The following ZNF577 variants were observed in gnomAD, a reference collection of about 807,000 sequenced individuals.
The protein encoded by ZNF577 is zinc finger protein 577.
A neutral mutation model predicts 13.9 loss-of-function variants in ZNF577; 14 were observed. The observed-to-expected ratio is 1.00, with a 90% CI of 0.66 to 1.57. The LOEUF (loss-of-function observed/expected upper bound fraction) is 1.57, where lower values mean the gene tolerates loss of function less well. Among genes scored for constraint, ZNF577 ranks in the 40% most tolerant of loss-of-function variants. ZNF577 has a pLI of 0.00. For synonymous variants in ZNF577, 203 were observed against 202.9 expected (o/e 1.00, Z 0.00); for missense variants, 555 against 579.2 (o/e 0.96, Z 0.43).
intron 10 of ZNF577, among the ~76,000 whole-genome samples, chr19:51,810,664 T>C (rs140192003): frequency 6.6e-6 from 1 of 152,210 alleles, no homozygotes; most frequent in Non-Finnish European, 1.5e-5. Context: ...ATGTCAGATA[T>C]GCACTAGTGG....
intron 9 of ZNF577, among the ~76,000 whole-genome samples, chr19:51,837,333 C>T (rs189420457): frequency 4.5e-4 from 68 of 152,236 alleles, no homozygotes; most frequent in Middle Eastern, 3.4e-3. Flanking sequence ...TACAGCTGAG[C>T]GCTGATTGGC....
chr19:51,839,508 G>A (rs1232713935), intron 9 of ZNF577, among the ~76,000 whole-genome samples: 1 of 152,076 alleles, frequency 6.6e-6, no homozygotes, highest in Admixed American at 6.6e-5. Flanking sequence ...TGGGTACACA[G>A]GTGACCACCA....
At chr19:51,866,725 T>A (rs187851601), downstream of ZNF577, among the ~76,000 whole-genome samples, 27 of 152,370 alleles carry the variant, frequency 1.8e-4, no homozygotes, top group East Asian at 3.3e-3. Context: ...CTCATGCCTA[T>A]AATTCCAGCA....
In ZNF577 at chr19:51,872,832, C is replaced by T. The variant is rs776668348; in HGVS notation, c.1158G>A (p.Thr386=). The T allele has an allele frequency of 5.6e-6, 9 of 1,614,148 alleles. No homozygotes were observed. The highest frequency in any genetic ancestry group is 2.2e-5 in the South Asian group (2 of 91,076). The change falls in exon 6 of 6, where the codon ACG becomes ACA. Residue 386 remains threonine (T), a synonymous_variant. Coordinates refer to ENST00000638348, the MANE Select transcript of ZNF577 (RefSeq NM_001370449.1). ...GACTCCTTGAGGAAGGTTTCTCCAC[C>T]GTCAGTGAATTTATGGCTGTCTCTC... is the stretch of plus-strand genomic sequence containing the variant. ...HIRETAINSL[T]VEKPSSRSHT...
chr19:51,807,708 C>A (rs895276447), intron 10 of ZNF577, among the ~76,000 whole-genome samples: 2 of 152,228 alleles, frequency 1.3e-5, no homozygotes, highest in African/African-American at 4.8e-5. Flanking sequence ...TTTTATAAAA[C>A]TGTAAAATTT....
intron 3 of ZNF577, among the ~76,000 whole-genome samples, 167 bp downstream of exon 3, chr19:51,880,156 G>C (rs532572621): frequency 6.6e-6 from 1 of 152,262 alleles, no homozygotes; most frequent in Admixed American, 6.5e-5. Flanking sequence ...GTCCAATCCA[G>C]TTTTCCTTTG....
downstream of ZNF577, among the ~76,000 whole-genome samples, chr19:51,864,269 T>G (rs1414760479): frequency 4.6e-5 from 7 of 152,192 alleles, no homozygotes; most frequent in Admixed American, 3.9e-4. Context: ...CTTTAATTAC[T>G]TTCCGCAACA....
chr19:51,805,566 C>G (rs2084052921), intron 10 of ZNF577, among the ~76,000 whole-genome samples: 1 of 152,236 alleles, frequency 6.6e-6, no homozygotes, highest in African/African-American at 2.4e-5. Flanking sequence ...ATTAAAATGA[C>G]AGCGCAATTG....
chr19:51,842,916 G>T (rs192442368), intron 7 of ZNF577: 4 of 152,344 alleles, frequency 2.6e-5, no homozygotes, highest in Admixed American at 2.0e-4. Flanking sequence ...TTGACAACCT[G>T]TCAAGAGGTA....
At position 51,883,293 on chromosome 19, in the gene ZNF577, A is replaced by AT. The variant is rs112978619; in HGVS notation, c.-218-2417dup. Among the ~76,000 whole-genome samples, 708 of 146,588 alleles carry AT rather than the reference A, an allele frequency of 4.8e-3. 5 individuals are homozygous for AT. The highest frequency in any genetic ancestry group is 0.015 in the African/African-American group (620 of 40,332). Reference sequence around the variant, plus strand: ...GGTGTGAGCTACTGTGCCTGGCCAAATTTTTTTTTTTTATAGAGACAAGGT... The same window carrying AT: ...GGTGTGAGCTACTGTGCCTGGCCAAATTTTTTTTTTTTTATAGAGACAAGGT... On this transcript the variant is annotated intron_variant, in intron 1 of 5. Coordinates refer to ENST00000638348, the MANE Select transcript of ZNF577 (RefSeq NM_001370449.1).
chr19:51,835,697 C>T (rs1568436385), intron 9 of ZNF577, among the ~76,000 whole-genome samples: 1 of 151,920 alleles, frequency 6.6e-6, no homozygotes, highest in Non-Finnish European at 1.5e-5. Flanking sequence ...TAACTGAAAT[C>T]AGTATCTTTT....
In ZNF577 at chr19:51,887,586, A is replaced by G. The variant is rs765256680; in HGVS notation, c.-984T>C. On this transcript the variant is annotated 5_prime_UTR_variant, in exon 1 of 6. Coordinates refer to ENST00000638348, the MANE Select transcript of ZNF577 (RefSeq NM_001370449.1). ...CTGCCCAGAGCAGTCTCCAACACTG[A>G]CACGATTCGCTTCCCCACCACGACG... 1.3e-5 allele frequency: 2 copies of G among 152,092 alleles called. No individual in the cohort carries two copies. Among genetic ancestry groups the G allele is most frequent in the Admixed American group, 6.5e-5 (1 of 15,270 alleles). The allele number at this position is 152,092 out of a possible 1,614,324, so 9.4% of individuals were successfully genotyped here.
intron 5 of ZNF577, chr19:51,861,930 T>C (rs373059704): frequency 1.3e-5 from 2 of 152,248 alleles, no homozygotes; most frequent in East Asian, 3.9e-4. Flanking sequence ...ATAATGAGAG[T>C]TGACTTACAG....
intron 5 of ZNF577, chr19:51,861,174 A>T: frequency 3.6e-6 from 1 of 277,604 alleles, no homozygotes; most frequent in South Asian, 3.0e-5. Flanking sequence ...GCTGGAGTAC[A>T]CTGGTGCAAT....
chr19:51,842,958 G>A (rs945778958), intron 7 of ZNF577: 4 of 152,218 alleles, frequency 2.6e-5, no homozygotes, highest in African/African-American at 9.7e-5. Flanking sequence ...ATTAGAGCTT[G>A]TGAGAAAAAG....
At chr19:51,884,717 A>C (rs1170640627) in intron 1 of ZNF577, among the ~76,000 whole-genome samples, 1 of 152,092 alleles carries the variant, frequency 6.6e-6, no homozygotes, top group African/African-American at 2.4e-5. Flanking sequence ...TAATACTTGC[A>C]TTCAAGGTTA....
chr19:51,825,170 G>A (rs1051265662), intron 9 of ZNF577: 4 of 217,684 alleles, frequency 1.8e-5, no homozygotes, highest in African/African-American at 9.3e-5. Context: ...TGGGGGTAGA[G>A]TGGCTCATGG....
intron 5 of ZNF577, among the ~76,000 whole-genome samples, chr19:51,848,753 C>T (rs7252006): frequency 0.36 from 54,412 of 151,830 alleles, 10,351 homozygotes; most frequent in South Asian, 0.54. Flanking sequence ...GAGTCAACTT[C>T]CTTTTTTCCC....
Position 51,887,934 on chromosome 19 carries a change from G to A in ZNF577, c.-1332C>T, listed in dbSNP as rs1019278287. Reference sequence around the variant, plus strand: ...CCCGCGAACCCCACACACTGCAGACGCGACACTCGCAAGTTTCGGGGATGG... The same window carrying A: ...CCCGCGAACCCCACACACTGCAGACACGACACTCGCAAGTTTCGGGGATGG... On this transcript the variant is annotated 5_prime_UTR_variant, in exon 1 of 6. Coordinates refer to ENST00000638348, the MANE Select transcript of ZNF577 (RefSeq NM_001370449.1). 6.6e-5 allele frequency: 10 copies of A among 152,238 alleles called. No individual in the cohort carries two copies. The highest frequency in any genetic ancestry group is 2.4e-4 in the African/African-American group (10 of 41,464). The allele number at this position is 152,238 out of a possible 1,614,324, so 9.4% of individuals were successfully genotyped here.
Sources: gnomAD v4.1 joint callset for allele counts (sites outside exome capture counted in the v4.1 genomes callset) on GRCh38, gnomAD v4.1.1 for gene constraint, MANE v1.5 for transcripts, NCBI Gene and HGNC (gene_info 2026-07-23, HGNC 2026-07-21) for gene names.